MMUT: variants seen among roughly 807,000 people sequenced by gnomAD.
MMUT encodes the protein methylmalonyl-CoA mutase.
MMUT carries 79 observed loss-of-function variants against 79.9 expected under a neutral mutation model. That is an observed-to-expected ratio of 0.99 (90% CI 0.82 to 1.19). The LOEUF is 1.19. Among genes scored for constraint, MMUT ranks in the 50% most tolerant of loss-of-function variants. The pLI, the probability that MMUT is intolerant of heterozygous loss-of-function variation, is 0.00. For synonymous variants in MMUT, 273 were observed against 295.7 expected, an observed-to-expected ratio of 0.92 and a Z score of 0.79; for missense variants, 860 against 917.2, an observed-to-expected ratio of 0.94 and a Z score of 0.81.
At chr6:49,432,220 T>A (rs1029790547) in intron 12 of MMUT, among the ~76,000 whole-genome samples, 12 of 152,154 alleles carry the variant, frequency 7.9e-5, no homozygotes, top group Non-Finnish European at 1.6e-4. Flanking sequence ...TATGATGTGA[T>A]AAGTTTGAGC....
chr6:49,440,088 C>T, intron 11 of MMUT, 118 bp downstream of exon 11: 1 of 1,333,118 alleles, frequency 7.5e-7, no homozygotes, highest in South Asian at 1.2e-5. Flanking sequence ...TCAGTGGCTA[C>T]ATACCAGTTA....
chr6:49,461,259 T>G (rs981007089), intron 1 of MMUT, among the ~76,000 whole-genome samples: 1 of 152,170 alleles, frequency 6.6e-6, no homozygotes, highest in Non-Finnish European at 1.5e-5. Flanking sequence ...CATAGATATA[T>G]TCTGTTTGTG....
At chr6:49,448,015 A>G (rs779650898) in intron 7 of MMUT, among the ~76,000 whole-genome samples, 24 of 152,102 alleles carry the variant, frequency 1.6e-4, no homozygotes, top group Middle Eastern at 3.4e-3. Flanking sequence ...CTACCAAACT[A>G]TTAATATACA....
chr6:49,436,463 G>C (rs1767131366), intron 11 of MMUT, among the ~76,000 whole-genome samples: 1 of 151,964 alleles, frequency 6.6e-6, no homozygotes. Context: ...AAATTGGCCA[G>C]GTATGGTGGC....
chr6:49,439,858 G>T (rs1767226029), intron 11 of MMUT, among the ~76,000 whole-genome samples: 1 of 152,114 alleles, frequency 6.6e-6, no homozygotes. Context: ...CTTGCTCACT[G>T]GATTTAATCA....
chr6:49,442,761 A>G (rs1047467186), intron 9 of MMUT, among the ~76,000 whole-genome samples: 2 of 152,132 alleles, frequency 1.3e-5, no homozygotes, highest in African/African-American at 4.8e-5. Context: ...GTAGGAAAAT[A>G]TGTTTTATGT....
At chr6:49,455,933 G>T in intron 4 of MMUT, 147 bp downstream of exon 4, 1 of 683,878 alleles carries the variant, frequency 1.5e-6, no homozygotes, top group South Asian at 2.6e-5. Context: ...AGAAATATTG[G>T]CTTTTTCTCT....
chr6:49,461,241 G>A (rs1767832776), intron 1 of MMUT, among the ~76,000 whole-genome samples: 1 of 152,040 alleles, frequency 6.6e-6, no homozygotes, highest in South Asian at 2.1e-4. Context: ...TGATCTGATT[G>A]CCACTTACAT....
At chr6:49,440,839 T>C (rs1561952383) in intron 10 of MMUT, among the ~76,000 whole-genome samples, 5 of 152,128 alleles carry the variant, frequency 3.3e-5, no homozygotes, top group Non-Finnish European at 5.9e-5. Flanking sequence ...TGCAGAAAGA[T>C]TGAAATATAA....
chr6:49,431,360 G>T lies in MMUT; in HGVS notation c.*368C>A, dbSNP rs2127411873. On this transcript the variant is annotated 3_prime_UTR_variant, in exon 13 of 13. Transcript: ENST00000274813. The stretch of plus-strand genomic sequence containing the variant: ...CAATGTAATGCTAAACTGACAAATG[G>T]GAATAGTCAGAGTTTTTTTAGGTAC... 1 of 162,760 alleles carries T rather than the reference G, an allele frequency of 6.1e-6. No individual in the cohort carries two copies. The highest frequency in any genetic ancestry group is 3.1e-3 in the Middle Eastern group (1 of 318). The allele number at this position is 162,760 out of a possible 1,614,324, so 10.1% of individuals were successfully genotyped here.
intron 10 of MMUT, among the ~76,000 whole-genome samples, chr6:49,441,554 ATATT>A (rs1363199501): frequency 6.7e-6 from 1 of 150,326 alleles, no homozygotes; most frequent in Non-Finnish European, 1.5e-5. Flanking sequence ...TCAATATTTG[ATATT>A]TATTATTAAA....
At chr6:49,451,370 T>G (rs1342382716) in intron 6 of MMUT, 96 bp downstream of exon 6, 2 of 1,355,016 alleles carry the variant, frequency 1.5e-6, no homozygotes, top group Non-Finnish European at 2.0e-6. Context: ...TTTATAAATT[T>G]AAAATCTATA....
chr6:49,435,527 G>T lies in MMUT; in HGVS notation c.2053C>A (p.Leu685Ile). 6.2e-7 allele frequency: 1 copy of T among 1,614,110 alleles called. No individual in the cohort carries two copies. The highest frequency in any genetic ancestry group is 1.3e-5 in the African/African-American group (1 of 75,054). ...CCAAGGGAGTTAAGTTCTTTGATGA[G>T]TTCAGGAACTAGGGTTTTATGACCA... ...AAGHKTLVPELIKELNSLGRP... is the reference protein window; with the variant it reads ...AAGHKTLVPEIIKELNSLGRP... The change falls in exon 12 of 13, where the codon CTC (leucine) becomes ATC (isoleucine). Residue 685 changes from leucine to isoleucine, a missense_variant. Coordinates refer to ENST00000274813, the MANE Select transcript of MMUT (RefSeq NM_000255.4).
chr6:49,459,769 C>G (rs931419964), intron 1 of MMUT, among the ~76,000 whole-genome samples: 1 of 152,118 alleles, frequency 6.6e-6, no homozygotes, highest in Non-Finnish European at 1.5e-5. Flanking sequence ...CCATTCTATA[C>G]GAATCCCTTC....
intron 11 of MMUT, among the ~76,000 whole-genome samples, chr6:49,438,267 A>C (rs1767184587): frequency 6.6e-6 from 1 of 152,128 alleles, no homozygotes; most frequent in African/African-American, 2.4e-5. Flanking sequence ...AGTGTAATTT[A>C]TCTCCTGCAA....
At chr6:49,446,050 C>T (rs1032823204) in intron 8 of MMUT, among the ~76,000 whole-genome samples, 1 of 151,884 alleles carries the variant, frequency 6.6e-6, no homozygotes, top group Non-Finnish European at 1.5e-5. Flanking sequence ...AGAAGTACAC[C>T]TTTTCTGGTT....
rs1397473284 is a variant in MMUT, at chr6:49,459,094, C to T, written c.373G>A (p.Asp125Asn). Reference sequence around the variant, plus strand: ...ATTAAAATCTCACCCTTAATGTTGTCCTTATAGAACTTATTGCTTTCTTCC... The same window carrying T: ...ATTAAAATCTCACCCTTAATGTTGTTCTTATAGAACTTATTGCTTTCTTCC... ...TVEESNKFYKDNIKAGQQGLS... is the reference protein window; with the variant it reads ...TVEESNKFYKNNIKAGQQGLS... Residue 125 changes from aspartate (D) to asparagine (N), a missense_variant, in exon 2 of 13, where the codon GAC (aspartate) becomes AAC (asparagine). Transcript: ENST00000274813. 6.2e-7 allele frequency: 1 copy of T among 1,613,966 alleles called. No homozygotes were observed. The highest frequency in any genetic ancestry group is 8.5e-7 in the Non-Finnish European group (1 of 1,179,954).
At chr6:49,432,898 T>A (rs1767023876) in intron 12 of MMUT, among the ~76,000 whole-genome samples, 1 of 152,194 alleles carries the variant, frequency 6.6e-6, no homozygotes, top group Non-Finnish European at 1.5e-5. Context: ...AGCACCCTTT[T>A]TAAGAGCACC....
At chr6:49,432,677 G>C (rs1478229985) in intron 12 of MMUT, among the ~76,000 whole-genome samples, 1 of 152,154 alleles carries the variant, frequency 6.6e-6, no homozygotes, top group Non-Finnish European at 1.5e-5. Context: ...ATGAGCCACC[G>C]TGCCTGGCCT....
Sources: allele counts gnomAD v4.1 joint callset (sites outside exome capture counted in the v4.1 genomes callset), GRCh38; gene constraint gnomAD v4.1.1; transcripts MANE v1.5; gene names NCBI Gene and HGNC (gene_info 2026-07-23, HGNC 2026-07-21).